GOLT1B: variants seen among roughly 807,000 people sequenced by gnomAD.
The protein encoded by GOLT1B is vesicle transport protein GOT1B.
GOLT1B carries 3 observed loss-of-function variants against 15.4 expected under a neutral mutation model. The ratio of observed to expected loss-of-function variants is 0.19; its 90% CI spans 0.09 to 0.50. The LOEUF (loss-of-function observed/expected upper bound fraction) is 0.50. GOLT1B is among the 20% of genes least tolerant of loss of function. GOLT1B has a pLI of 0.97. For missense variants in GOLT1B, 145 were observed against 160.4 expected, an observed-to-expected ratio of 0.90 and a Z score of 0.52; for synonymous variants, 65 against 56.2, an observed-to-expected ratio of 1.16 and a Z score of -0.70.
In GOLT1B at chr12:21,512,276, T is replaced by G. The variant is rs936533290; in HGVS notation, c.297-19T>G. On this transcript the variant is annotated intron_variant, in intron 3 of 4. Coordinates refer to ENST00000229314, the MANE Select transcript of GOLT1B (RefSeq NM_016072.5). ...AGAAAATGTGTAAATATTAAGAACC[T>G]TTTTTTTCCCTCTCCCAGGGGCTTC... The G allele has an allele frequency of 7.8e-7, 1 of 1,280,320 alleles. No individual in the cohort carries two copies. The highest frequency in any genetic ancestry group is 2.3e-5 in the East Asian group (1 of 42,704). 79.3% of individuals were successfully genotyped at this position (1,280,320 alleles called of 1,614,324 possible).
chr12:21,504,501 A>G (rs1248034416), intron 1 of GOLT1B: 1 of 475,988 alleles, frequency 2.1e-6, no homozygotes, highest in African/African-American at 2.0e-5. Flanking sequence ...AAGTAGTGGA[A>G]TATTTTGGTT....
chr12:21,513,310 A>G (rs116422824), intron 4 of GOLT1B, among the ~76,000 whole-genome samples: 206 of 152,188 alleles, frequency 1.4e-3, no homozygotes, highest in African/African-American at 4.6e-3. Context: ...TCATTCAACA[A>G]ATGTTTCGTA....
chr12:21,510,156 G>A (rs1345402132), intron 3 of GOLT1B, among the ~76,000 whole-genome samples: 1 of 152,194 alleles, frequency 6.6e-6, no homozygotes, highest in Non-Finnish European at 1.5e-5. Flanking sequence ...AATATACAGT[G>A]ATAAGACTGG....
At chr12:21,514,547 C>G (rs1026769463) in intron 4 of GOLT1B, among the ~76,000 whole-genome samples, 7 of 152,094 alleles carry the variant, frequency 4.6e-5, no homozygotes, top group Non-Finnish European at 8.8e-5. Context: ...CTAATAAATC[C>G]ATGAATTCTT....
chr12:21,508,204 C>T lies in GOLT1B; in HGVS notation c.118-179C>T, dbSNP rs1943692887. Reference sequence around the variant, plus strand: ...GGAACAAAGCTACAACTTTAAAATGCATAACCCACTCCTTGGTTCTGCTGC... The same window carrying T: ...GGAACAAAGCTACAACTTTAAAATGTATAACCCACTCCTTGGTTCTGCTGC... On this transcript the variant is annotated intron_variant, in intron 2 of 4. Transcript: ENST00000229314. The T allele has an allele frequency of 5.2e-6, 3 of 576,048 alleles. No homozygotes were observed. In the African/African-American group the frequency reaches 5.7e-5, roughly 11 times the overall value. The allele number at this position is 576,048 out of a possible 1,614,324, so 35.7% of individuals were successfully genotyped here. A position where few individuals can be genotyped will look rare whatever the true frequency, so the allele number is the denominator to read the frequency against.
rs191723773 is a variant in GOLT1B at position 21,512,226 on chromosome 12, C to T, written c.297-69C>T. 2.0e-4 allele frequency: 162 copies of T among 806,470 alleles called. No individual in the cohort carries two copies. In the African/African-American group the frequency reaches 2.3e-3, roughly 11 times the overall value. 50.0% of individuals were successfully genotyped at this position (806,470 alleles called of 1,614,324 possible). On this transcript the variant is annotated intron_variant, in intron 3 of 4. Coordinates refer to ENST00000229314, the MANE Select transcript of GOLT1B (RefSeq NM_016072.5). Reference sequence around the variant, plus strand: ...ATTTTAACAGGATACTTTCTTTTTCCTTGGTTAGCAATTATTTTGAAAATA... The same window carrying T: ...ATTTTAACAGGATACTTTCTTTTTCTTTGGTTAGCAATTATTTTGAAAATA...
At position 21,515,751 on chromosome 12, in the gene GOLT1B, A is replaced by G; in HGVS notation, c.*44A>G. The G allele has an allele frequency of 1.2e-6, 1 of 869,256 alleles. No individual in the cohort carries two copies. Among genetic ancestry groups the G allele is most frequent in the East Asian group, 2.5e-5 (1 of 40,488 alleles). 53.8% of individuals were successfully genotyped at this position (869,256 alleles called of 1,614,324 possible). On this transcript the variant is annotated 3_prime_UTR_variant, in exon 5 of 5. Coordinates refer to ENST00000229314, the MANE Select transcript of GOLT1B (RefSeq NM_016072.5). ...ACTCATTTAAAATATTGTGTTATTT[A>G]TAAAGTCATTTGAAGAATATTCAGC...
At chr12:21,513,213 GATAAA>G (rs1943732712) in intron 4 of GOLT1B, among the ~76,000 whole-genome samples, 1 of 152,020 alleles carries the variant, frequency 6.6e-6, no homozygotes. Context: ...TTTCCACCTT[GATAAA>G]ATAAAGGGAA....
chr12:21,502,149 G>A (rs1943634050), intron 1 of GOLT1B, among the ~76,000 whole-genome samples: 1 of 152,216 alleles, frequency 6.6e-6, no homozygotes, highest in Non-Finnish European at 1.5e-5. Flanking sequence ...TGACCTGGGA[G>A]AAGAGTCTGT....
intron 3 of GOLT1B, among the ~76,000 whole-genome samples, chr12:21,510,569 T>C (rs1235566324): frequency 6.6e-6 from 1 of 152,172 alleles, no homozygotes; most frequent in Non-Finnish European, 1.5e-5. Context: ...GAGCTGGAGA[T>C]TTAGTGCCAA....
intron 1 of GOLT1B, among the ~76,000 whole-genome samples, chr12:21,506,434 A>G (rs10492117): frequency 0.45 from 68,231 of 151,744 alleles, 15,978 homozygotes; most frequent in East Asian, 0.68. Flanking sequence ...TAATGCAGTA[A>G]AGAAGGAATC....
chr12:21,505,088 C>G (rs1943669880), intron 1 of GOLT1B, among the ~76,000 whole-genome samples: 1 of 152,238 alleles, frequency 6.6e-6, no homozygotes, highest in South Asian at 2.1e-4. Flanking sequence ...TTTCCTCCAT[C>G]TTTAAAAAGA....
At chr12:21,507,222 A>G in intron 2 of GOLT1B, 1 of 429,774 alleles carries the variant, frequency 2.3e-6, no homozygotes. Context: ...TTTACAATAG[A>G]TTAAATGAAG....
intron 3 of GOLT1B, among the ~76,000 whole-genome samples, chr12:21,511,925 G>T (rs1943722734): frequency 6.6e-6 from 1 of 152,160 alleles, no homozygotes; most frequent in Non-Finnish European, 1.5e-5. Flanking sequence ...GTCTCTTAGT[G>T]TTAACTAAAT....
At chr12:21,504,903 A>G (rs1565580826) in intron 1 of GOLT1B, among the ~76,000 whole-genome samples, 1 of 152,188 alleles carries the variant, frequency 6.6e-6, no homozygotes, top group Non-Finnish European at 1.5e-5. Flanking sequence ...AGAATACTCC[A>G]GTGTCCTTGA....
intron 4 of GOLT1B, among the ~76,000 whole-genome samples, chr12:21,513,810 AAAG>A (rs1943737408): frequency 6.6e-6 from 1 of 152,210 alleles, no homozygotes; most frequent in East Asian, 1.9e-4. Context: ...AAAAAAGAAA[AAAG>A]AGAAAGGAAA....
chr12:21,515,729 C>A lies in GOLT1B; in HGVS notation c.*22C>A. 1 of 1,039,254 alleles carries A rather than the reference C, an allele frequency of 9.6e-7. No individual in the cohort carries two copies. Among genetic ancestry groups the A allele is most frequent in the South Asian group, 1.4e-5 (1 of 72,174 alleles). The allele number at this position is 1,039,254 out of a possible 1,614,324, so 64.4% of individuals were successfully genotyped here. A position where few individuals can be genotyped will look rare whatever the true frequency, so the allele number is the denominator to read the frequency against. ...ATAACAACAAGTGAATTTGAAGACTCATTTAAAATATTGTGTTATTTATAA... is the reference window on the plus strand; with the variant it reads ...ATAACAACAAGTGAATTTGAAGACTAATTTAAAATATTGTGTTATTTATAA... On this transcript the variant is annotated 3_prime_UTR_variant, in exon 5 of 5. Transcript: ENST00000229314.
At position 21,518,273 on chromosome 12, in the gene GOLT1B, C is replaced by G. The variant is rs905920463; in HGVS notation, c.*2566C>G. 19 of 152,098 alleles carry G rather than the reference C, an allele frequency of 1.2e-4. No homozygotes were observed. Among genetic ancestry groups the G allele is most frequent in the African/African-American group, 4.3e-4 (18 of 41,422 alleles). 9.4% of individuals were successfully genotyped at this position (152,098 alleles called of 1,614,324 possible). On this transcript the variant is annotated 3_prime_UTR_variant, in exon 5 of 5. Coordinates refer to ENST00000229314, the MANE Select transcript of GOLT1B (RefSeq NM_016072.5). ...TGCAGTGTTCTATTTATCAAATGAT[C>G]TTCACATCTTTCATTTCCAAATTGT...
chr12:21,504,904 G>A (rs528517364), intron 1 of GOLT1B, among the ~76,000 whole-genome samples: 2 of 152,218 alleles, frequency 1.3e-5, no homozygotes, highest in South Asian at 4.1e-4. Context: ...GAATACTCCA[G>A]TGTCCTTGAG....
Sources: gnomAD v4.1 joint callset for allele counts (sites outside exome capture counted in the v4.1 genomes callset) on GRCh38, gnomAD v4.1.1 for gene constraint, MANE v1.5 for transcripts, NCBI Gene and HGNC (gene_info 2026-07-23, HGNC 2026-07-21) for gene names.